The following FGFR1 variants were observed in gnomAD, a reference collection of about 807,000 sequenced individuals.
The protein encoded by FGFR1 is FGFR1/PLAG1 fusion.
FGFR1 carries 18 observed loss-of-function variants against 93.7 expected under a neutral mutation model. The observed-to-expected ratio is 0.19, with a 90% CI of 0.13 to 0.28. The LOEUF (loss-of-function observed/expected upper bound fraction) is 0.28. Ranked by LOEUF, FGFR1 falls within the 10% of genes least tolerant of loss-of-function variation. The probability of loss-of-function intolerance (pLI) is 1.00; values close to 1 mark genes in which losing one functional copy is unlikely to be tolerated. For synonymous variants in FGFR1, 448 were observed against 429.3 expected (o/e 1.04, Z -0.54); for missense variants, 731 against 1,080.4 (o/e 0.68, Z 4.53).
At chr8:38,418,176 G>C in intron 10 of FGFR1, 52 bp downstream of exon 10, 3 of 1,613,566 alleles carry the variant, frequency 1.9e-6, no homozygotes, top group Non-Finnish European at 2.5e-6. Context: ...TCCACCACTA[G>C]AATAGCAAGC....
At chr8:38,452,667 A>AT (rs969898605) in intron 2 of FGFR1, among the ~76,000 whole-genome samples, 44 of 148,360 alleles carry the variant, frequency 3.0e-4, no homozygotes, top group South Asian at 2.0e-3. Context: ...TCGCCCTATG[A>AT]TTTTTTTTTT....
chr8:38,421,687 C>T, intron 8 of FGFR1, 110 bp downstream of exon 8: 1 of 1,146,802 alleles, frequency 8.7e-7, no homozygotes, highest in Non-Finnish European at 1.3e-6. Context: ...CAGGCAGGAG[C>T]CCATTCTTCC....
At chr8:38,440,273 T>A (rs774340681) in intron 2 of FGFR1, 1 of 1,584,616 alleles carries the variant, frequency 6.3e-7, no homozygotes, top group South Asian at 1.1e-5. Flanking sequence ...TTTTATTACG[T>A]ATTTTGGCTT....
intron 8 of FGFR1, chr8:38,420,387 A>G (rs1228434721): frequency 6.6e-6 from 1 of 152,334 alleles, no homozygotes; most frequent in Non-Finnish European, 1.5e-5. Flanking sequence ...ATTCCTAGCC[A>G]AACCACAGGC....
intron 5 of FGFR1, among the ~76,000 whole-genome samples, 180 bp downstream of exon 5, chr8:38,427,741 G>A (rs1007708177): frequency 1.3e-5 from 2 of 152,150 alleles, no homozygotes; most frequent in East Asian, 3.8e-4. Context: ...CCATATTACA[G>A]AAAGAAGACT....
At chr8:38,443,556 C>T (rs1038672955) in intron 2 of FGFR1, among the ~76,000 whole-genome samples, 1 of 151,522 alleles carries the variant, frequency 6.6e-6, no homozygotes, top group Non-Finnish European at 1.5e-5. Flanking sequence ...ACCTGTGGTC[C>T]CAGCTACTTG....
chr8:38,449,115 AAC>A (rs1258371921), intron 2 of FGFR1, among the ~76,000 whole-genome samples: 2 of 152,098 alleles, frequency 1.3e-5, no homozygotes, highest in African/African-American at 2.4e-5. Context: ...AGAAAAAAAA[AAC>A]ACAGAAAAAA....
intron 1 of FGFR1, 85 bp from the exon 2 acceptor site, chr8:38,457,619 T>C (rs1450299724): frequency 3.7e-6 from 5 of 1,368,336 alleles, no homozygotes; most frequent in Middle Eastern, 1.8e-4. Context: ...GTATGCCATG[T>C]GGTGGCTGCT....
At chr8:38,432,903 A>ACCCCTCCCCC (rs1563529441) in intron 2 of FGFR1, among the ~76,000 whole-genome samples, 1 of 51,356 alleles carries the variant, frequency 1.9e-5, no homozygotes, top group Non-Finnish European at 4.1e-5. Flanking sequence ...GTCCCTCCCC[A>ACCCCTCCCCC]CCGCGCCCCC....
chr8:38,414,679 G>A (rs199601282), intron 14 of FGFR1, 50 bp from the exon 15 acceptor site: 2 of 1,613,488 alleles, frequency 1.2e-6, no homozygotes, highest in East Asian at 2.2e-5. Flanking sequence ...GGGCCATGAG[G>A]GCACAGGTGG....
At chr8:38,431,469 G>A (rs1002653990) in intron 2 of FGFR1, among the ~76,000 whole-genome samples, 3 of 152,154 alleles carry the variant, frequency 2.0e-5, no homozygotes, top group African/African-American at 4.8e-5. Flanking sequence ...AATACCACAC[G>A]TGCAGTCACT....
intron 5 of FGFR1, among the ~76,000 whole-genome samples, chr8:38,427,005 G>A (rs750872881): frequency 2.0e-5 from 3 of 151,910 alleles, no homozygotes; most frequent in Non-Finnish European, 4.4e-5. Flanking sequence ...TACTCGGGAG[G>A]CTGAGGCAGG....
At chr8:38,431,685 T>A (rs1480580710) in intron 2 of FGFR1, among the ~76,000 whole-genome samples, 1 of 152,148 alleles carries the variant, frequency 6.6e-6, no homozygotes, top group Non-Finnish European at 1.5e-5. Flanking sequence ...CAGTCCTGCA[T>A]TGACCCATGG....
At position 38,468,379 on chromosome 8, in the gene FGFR1, G is replaced by GC; in HGVS notation, c.-488dup. On this transcript the variant is annotated 5_prime_UTR_variant, in exon 1 of 18. Transcript: ENST00000447712. ...ACGGGTACCGTGCGCCCTGCGGGGC[G>GC]CCCCGAGCTCGGACCGGAGAAAAGT... 1 of 228,294 alleles carries GC rather than the reference G, an allele frequency of 4.4e-6. No individual in the cohort carries two copies. The highest frequency in any genetic ancestry group is 8.7e-6 in the Non-Finnish European group (1 of 114,658). 14.1% of individuals were successfully genotyped at this position (228,294 alleles called of 1,614,324 possible). A position where few individuals can be genotyped will look rare whatever the true frequency, so the allele number is the denominator to read the frequency against.
intron 2 of FGFR1, among the ~76,000 whole-genome samples, chr8:38,450,048 C>T (rs1345260303): frequency 7.2e-5 from 11 of 152,214 alleles, no homozygotes; most frequent in Admixed American, 7.2e-4. Context: ...AGAGCAAACC[C>T]CAAGGTCAGA....
At chr8:38,465,341 GA>G (rs2151474634) in intron 1 of FGFR1, 1 of 232,740 alleles carries the variant, frequency 4.3e-6, no homozygotes, top group Non-Finnish European at 8.5e-6. Flanking sequence ...GGCATGTTTG[GA>G]AAAGCAGGCA....
intron 1 of FGFR1, among the ~76,000 whole-genome samples, chr8:38,461,472 TA>T (rs375873921): frequency 5.9e-5 from 9 of 152,224 alleles, no homozygotes; most frequent in African/African-American, 1.9e-4. Flanking sequence ...GAAGCTGGGC[TA>T]ATTTTCTGTA....
rs753838219 is a variant in FGFR1 at position 38,419,721 on chromosome 8, G to A, written c.1096C>T (p.Pro366Ser). 36 of 1,613,970 alleles carry A rather than the reference G, an allele frequency of 2.2e-5. 2 individuals are homozygous for A. The South Asian group carries it at 4.0e-4, about 18-fold the overall frequency. The change falls in exon 9 of 18, where the codon CCG (proline) becomes TCG (serine). Residue 366 changes from proline to serine, a missense_variant. Physicochemically the swap from Pro to Ser is moderately conservative, Grantham distance 74. Around this residue, in one of 10 missense-constraint regions of FGFR1, gnomAD observed 146 missense variants for 173.0 expected, o/e 0.84. Transcript: ENST00000447712. Reference protein sequence around the residue: ...LTVLEALEERPAVMTSPLYLE... With the variant: ...LTVLEALEERSAVMTSPLYLE... ...TACAGGGGCGAGGTCATCACTGCCGGCCTCTCTTCCAGGGCTGAGTCAGTG... is the reference window on the plus strand; with the variant it reads ...TACAGGGGCGAGGTCATCACTGCCGACCTCTCTTCCAGGGCTGAGTCAGTG...
At chr8:38,443,610 C>T (rs1828301399) in intron 2 of FGFR1, among the ~76,000 whole-genome samples, 1 of 152,014 alleles carries the variant, frequency 6.6e-6, no homozygotes, top group Non-Finnish European at 1.5e-5. Flanking sequence ...GAGGTCGAGG[C>T]TGCAGTGAGC....
Sources: allele counts gnomAD v4.1 joint callset (sites outside exome capture counted in the v4.1 genomes callset), GRCh38; gene constraint gnomAD v4.1.1; regional missense constraint gnomAD v4.1.1; transcripts MANE v1.5; gene names NCBI Gene and HGNC (gene_info 2026-07-23, HGNC 2026-07-21).